CEP104: variants seen among roughly 807,000 people sequenced by gnomAD.
The protein encoded by CEP104 is centrosomal protein of 104 kDa.
A neutral mutation model predicts 113.3 loss-of-function variants in CEP104; 84 were observed. The ratio of observed to expected loss-of-function variants is 0.74; its 90% CI spans 0.62 to 0.89. The LOEUF is 0.89. Among genes scored for constraint, CEP104 ranks in the 40% least tolerant of loss-of-function variants. The probability of loss-of-function intolerance (pLI) is 0.00; values close to 1 mark genes in which losing one functional copy is unlikely to be tolerated. For synonymous variants in CEP104, 378 were observed against 421.7 expected, an observed-to-expected ratio of 0.90 and a Z score of 1.27; for missense variants, 1,053 against 1,156.6, an observed-to-expected ratio of 0.91 and a Z score of 1.30.
In CEP104 at chr1:3,825,863, C is replaced by T. The variant is rs765447222; in HGVS notation, c.2259G>A (p.Leu753=). 1.9e-6 allele frequency: 3 copies of T among 1,607,956 alleles called. No individual in the cohort carries two copies. The highest frequency in any genetic ancestry group is 8.5e-7 in the Non-Finnish European group (1 of 1,174,396). The change falls in exon 18 of 22, where the codon TTG becomes TTA. Residue 753 remains leucine (L), a synonymous_variant. Transcript: ENST00000378230. ...GIPDEHYLDN[L]CIFCGERSES... is the part of the protein sequence containing the mutation. Reference sequence around the variant, plus strand: ...CACTCCTTTCCCCACAAAAAATACACAAACTGAAAGCAAAGCAAAGCAGGA... The same window carrying T: ...CACTCCTTTCCCCACAAAAAATACATAAACTGAAAGCAAAGCAAAGCAGGA...
rs969356673 is a variant in CEP104, at chr1:3,812,852, C to G, written c.*2550G>C. The G allele has an allele frequency of 3.0e-4, 46 of 152,030 alleles. No homozygotes were observed. Among genetic ancestry groups the G allele is most frequent in the Middle Eastern group, 3.4e-3 (1 of 294 alleles). The allele number at this position is 152,030 out of a possible 1,614,324, so 9.4% of individuals were successfully genotyped here. ...AAGACTCCGTCTCAAACCCCACCAC[C>G]CCCGCAAAACAAAAACAAAAACAAA... On this transcript the variant is annotated 3_prime_UTR_variant, in exon 22 of 22. Coordinates refer to ENST00000378230, the MANE Select transcript of CEP104 (RefSeq NM_014704.4).
At chr1:3,836,788 C>T (rs1570811883) in intron 9 of CEP104, 96 bp from the exon 10 acceptor site, 3 of 1,006,366 alleles carry the variant, frequency 3.0e-6, no homozygotes, top group East Asian at 5.0e-5. Context: ...CGCTTACTTA[C>T]CTGATCTGAA....
Position 3,855,683 on chromosome 1 carries a change from T to A in CEP104, c.-15+1206A>T, listed in dbSNP as rs543027412. ...TGGTATTTGAAAAGGATTCCTTTTTTAGTCTACCCCCTCCCAAAGACCTTC... is the reference window on the plus strand; with the variant it reads ...TGGTATTTGAAAAGGATTCCTTTTTAAGTCTACCCCCTCCCAAAGACCTTC... On this transcript the variant is annotated intron_variant, in intron 1 of 21. Transcript: ENST00000378230. Among the ~76,000 whole-genome samples the A allele has an allele frequency of 2.0e-5, 3 of 152,346 alleles. No individual in the cohort carries two copies. The South Asian group carries it at 6.2e-4, about 32-fold the overall frequency.
Position 3,831,098 on chromosome 1 carries a change from A to C in CEP104, c.1784T>G (p.Leu595Arg). 1 of 1,614,220 alleles carries C rather than the reference A, an allele frequency of 6.2e-7. No individual in the cohort carries two copies. The highest frequency in any genetic ancestry group is 8.5e-7 in the Non-Finnish European group (1 of 1,180,042). ...CGAGCTGCCAGTGCCCAGGTCTTTC[A>C]GCAGCCGGGCCAGGAGGCCCATCTG... ...MSQMGLLARL[L>R]KDLGTGSSGF... Residue 595 changes from leucine to arginine, a missense_variant, in exon 13 of 22, where the codon CTG (leucine) becomes CGG (arginine). By Grantham distance (102) the Leu-to-Arg change is moderately radical. Transcript: ENST00000378230.
At position 3,815,389 on chromosome 1, in the gene CEP104, C is replaced by CCCGAGCG. The variant is rs1643864721; in HGVS notation, c.*6_*12dup. ...TCCATCCCTCACAGAGACCAAGGAG[C>CCCGAGCG]CCGAGCGCCGCGTCAGCGCTTGGCG... On this transcript the variant is annotated 3_prime_UTR_variant, in exon 22 of 22. Transcript: ENST00000378230. The CCCGAGCG allele has an allele frequency of 6.3e-7, 1 of 1,581,326 alleles. No individual in the cohort carries two copies. Among genetic ancestry groups the CCCGAGCG allele is most frequent in the Non-Finnish European group, 8.6e-7 (1 of 1,158,626 alleles).
At position 3,836,482 on chromosome 1, in the gene CEP104, T is replaced by TG. The variant is rs754913642; in HGVS notation, c.1317+12_1317+13insC. The stretch of plus-strand genomic sequence containing the variant: ...TCTGCCACCCCGTTTTTTTTTTTTT[T>TG]TTTTTTTTTTACCAAGGTTTCTCCC... On this transcript the variant is annotated intron_variant, in intron 10 of 21. Coordinates refer to ENST00000378230, the MANE Select transcript of CEP104 (RefSeq NM_014704.4). 36 of 1,486,316 alleles carry TG rather than the reference T, an allele frequency of 2.4e-5. No individual in the cohort carries two copies. The highest frequency in any genetic ancestry group is 3.1e-5 in the Non-Finnish European group (35 of 1,126,876). The allele number at this position is 1,486,316 out of a possible 1,614,324, so 92.1% of individuals were successfully genotyped here. A position where few individuals can be genotyped will look rare whatever the true frequency, so the allele number is the denominator to read the frequency against.
rs528152590 is a variant in CEP104 at position 3,812,853 on chromosome 1, C to T, written c.*2549G>A. The T allele has an allele frequency of 3.9e-5, 6 of 152,006 alleles. No homozygotes were observed. The South Asian group carries it at 8.3e-4, about 21-fold the overall frequency. The allele number at this position is 152,006 out of a possible 1,614,324, so 9.4% of individuals were successfully genotyped here. ...AGACTCCGTCTCAAACCCCACCACC[C>T]CCGCAAAACAAAAACAAAAACAAAA... On this transcript the variant is annotated 3_prime_UTR_variant, in exon 22 of 22. Transcript: ENST00000378230.
chr1:3,830,781 A>T (rs1644189938), intron 13 of CEP104, among the ~76,000 whole-genome samples: 1 of 151,118 alleles, frequency 6.6e-6, no homozygotes, highest in Admixed American at 6.6e-5. Context: ...CATCTCAAAA[A>T]AAAAAAAAAA....
chr1:3,848,836 G>T, intron 2 of CEP104, 55 bp from the exon 3 acceptor site: 1 of 1,449,952 alleles, frequency 6.9e-7, no homozygotes. Context: ...AGGGTTTCTA[G>T]ATGCTAGCAT....
intron 15 of CEP104, among the ~76,000 whole-genome samples, chr1:3,828,257 A>G (rs907483103): frequency 1.3e-5 from 2 of 152,166 alleles, no homozygotes; most frequent in Non-Finnish European, 2.9e-5. Context: ...ACTAATCACA[A>G]TGAGTGTGTG....
At chr1:3,838,376 C>T (rs1043739167) in intron 8 of CEP104, among the ~76,000 whole-genome samples, 4 of 152,184 alleles carry the variant, frequency 2.6e-5, no homozygotes, top group Non-Finnish European at 4.4e-5. Flanking sequence ...GTCTCGAACT[C>T]CTGGGCTCAA....
chr1:3,847,143 T>C (rs1488408260), intron 4 of CEP104, among the ~76,000 whole-genome samples: 1 of 152,260 alleles, frequency 6.6e-6, no homozygotes, highest in Non-Finnish European at 1.5e-5. Flanking sequence ...TAACACAACA[T>C]ATCCAAAATA....
At position 3,856,365 on chromosome 1, in the gene CEP104, G is replaced by C. The variant is rs145508397; in HGVS notation, c.-15+524C>G. On this transcript the variant is annotated intron_variant, in intron 1 of 21. Coordinates refer to ENST00000378230, the MANE Select transcript of CEP104 (RefSeq NM_014704.4). Reference sequence around the variant, plus strand: ...CCATTGCACTCCAGCCTGGGCGACAGAGCGAGACCGTCTCAAAGGCTTATG... The same window carrying C: ...CCATTGCACTCCAGCCTGGGCGACACAGCGAGACCGTCTCAAAGGCTTATG... Among the ~76,000 whole-genome samples the C allele has an allele frequency of 1.5e-3, 221 of 152,358 alleles. 1 individual carries two copies. Among genetic ancestry groups the C allele is most frequent in the African/African-American group, 5.1e-3 (214 of 41,588 alleles).
chr1:3,830,130 C>A, intron 13 of CEP104, 133 bp from the exon 14 acceptor site: 1 of 663,460 alleles, frequency 1.5e-6, no homozygotes, highest in Non-Finnish European at 2.6e-6. Context: ...TGAAATACTT[C>A]AAACATAAAA....
At position 3,816,342 on chromosome 1, in the gene CEP104, G is replaced by A; in HGVS notation, c.2600C>T (p.Ala867Val). 2 of 1,552,864 alleles carry A rather than the reference G, an allele frequency of 1.3e-6. No individual in the cohort carries two copies. Among genetic ancestry groups the A allele is most frequent in the Admixed American group, 2.0e-5 (1 of 51,222 alleles). The change falls in exon 21 of 22, where the codon GCC becomes GTC. Residue 867 changes from alanine to valine, a missense_variant. Transcript: ENST00000378230. ...EAWKAHLMGPAGCTMNLRKTH... is the reference protein window; with the variant it reads ...EAWKAHLMGPVGCTMNLRKTH... ...CTTGCGCAGGTTCATCGTGCAGCCGGCTGGGCCCATCAGGTGAGCTTTCCA... is the reference window on the plus strand; with the variant it reads ...CTTGCGCAGGTTCATCGTGCAGCCGACTGGGCCCATCAGGTGAGCTTTCCA...
chr1:3,852,910 A>AGG (rs1189559923), intron 1 of CEP104, among the ~76,000 whole-genome samples: 3 of 151,958 alleles, frequency 2.0e-5, no homozygotes, highest in Non-Finnish European at 4.4e-5. Context: ...CCGGCCAAGG[A>AGG]CGGCTGAGGA....
intron 18 of CEP104, among the ~76,000 whole-genome samples, chr1:3,824,766 C>T (rs1263249486): frequency 6.6e-6 from 1 of 152,074 alleles, no homozygotes; most frequent in Non-Finnish European, 1.5e-5. Context: ...GGGGAACTCA[C>T]CAAGACAGCA....
In CEP104 at chr1:3,829,552, A is replaced by G. The variant is rs1836; in HGVS notation, c.2044-179T>C. 587,862 of 654,118 alleles carry G rather than the reference A, an allele frequency of 0.9. 268,317 individuals carry two copies. The highest frequency in any genetic ancestry group is 0.95 in the Non-Finnish European group (367,317 of 385,764). The allele number at this position is 654,118 out of a possible 1,614,324, so 40.5% of individuals were successfully genotyped here. On this transcript the variant is annotated intron_variant, in intron 14 of 21. Coordinates refer to ENST00000378230, the MANE Select transcript of CEP104 (RefSeq NM_014704.4). ...TTGGTGTCTATTGATAGATAAACCC[A>G]CTGTGTCCTCACGGCTATCGTTATT...
chr1:3,849,418 G>A (rs982569911), intron 2 of CEP104, among the ~76,000 whole-genome samples: 4 of 152,116 alleles, frequency 2.6e-5, no homozygotes, highest in African/African-American at 7.2e-5. Flanking sequence ...GTGTGCCACT[G>A]TGCCTGGCTA....
Sources: allele counts gnomAD v4.1 joint callset (sites outside exome capture counted in the v4.1 genomes callset), GRCh38; gene constraint gnomAD v4.1.1; transcripts MANE v1.5; gene names NCBI Gene and HGNC (gene_info 2026-07-23, HGNC 2026-07-21).